The following NEO1 variants were observed in gnomAD, a reference collection of about 807,000 sequenced individuals.
NEO1 encodes neogenin.
In NEO1, 63 loss-of-function variants were observed where a neutral mutation model predicts 159.7. The observed-to-expected ratio is 0.39, with a 90% CI of 0.32 to 0.49. The LOEUF (loss-of-function observed/expected upper bound fraction) is 0.49, where lower values mean the gene tolerates loss of function less well. Ranked by LOEUF, NEO1 falls within the 20% of genes least tolerant of loss-of-function variation. NEO1 has a pLI of 0.85. For missense variants in NEO1, 1,615 were observed against 1,831.0 expected (o/e 0.88, Z 2.15); for synonymous variants, 633 against 662.0 (o/e 0.96, Z 0.67).
chr15:73,170,861 A>G (rs1425344990), intron 5 of NEO1, among the ~76,000 whole-genome samples: 1 of 152,188 alleles, frequency 6.6e-6, no homozygotes, highest in African/African-American at 2.4e-5. Flanking sequence ...AGAATGAGTG[A>G]TAGAATAAGA....
intron 5 of NEO1, among the ~76,000 whole-genome samples, chr15:73,163,420 T>G (rs1207922729): frequency 1.3e-5 from 2 of 152,206 alleles, no homozygotes; most frequent in Non-Finnish European, 2.9e-5. Context: ...GTTATTAGTT[T>G]AGTGTGTATG....
intron 5 of NEO1, among the ~76,000 whole-genome samples, chr15:73,175,346 G>A (rs1335701191): frequency 6.6e-6 from 1 of 152,144 alleles, no homozygotes; most frequent in Non-Finnish European, 1.5e-5. Flanking sequence ...AGCATCAAAA[G>A]TATTTGAAAT....
At position 73,176,132 on chromosome 15, in the gene NEO1, A is replaced by G. The variant is rs532213979; in HGVS notation, c.1016-271A>G. On this transcript the variant is annotated intron_variant, in intron 5 of 28. Transcript: ENST00000261908. ...TTTAGACATTTTTAATTTCTCCAATATAGTCAACTTAGTAAATAGTTCCAA... is the reference window on the plus strand; with the variant it reads ...TTTAGACATTTTTAATTTCTCCAATGTAGTCAACTTAGTAAATAGTTCCAA... Among the ~76,000 whole-genome samples the G allele has an allele frequency of 2.6e-5, 4 of 152,342 alleles. No homozygotes were observed. In the South Asian group the frequency reaches 6.2e-4, roughly 24 times the overall value.
chr15:73,061,029 G>T (rs11856233), intron 1 of NEO1, among the ~76,000 whole-genome samples: 13,199 of 152,198 alleles, frequency 0.087, 663 homozygotes, highest in Non-Finnish European at 0.1. Context: ...GAAGACTAGG[G>T]AATAAGAGAA....
intron 7 of NEO1, among the ~76,000 whole-genome samples, chr15:73,206,917 G>C (rs1199165137): frequency 6.6e-6 from 1 of 151,940 alleles, no homozygotes; most frequent in Non-Finnish European, 1.5e-5. Flanking sequence ...GTGGTGAAGT[G>C]ATCATAGCTC....
At chr15:73,071,097 G>A (rs1382349103) in intron 1 of NEO1, among the ~76,000 whole-genome samples, 2 of 152,092 alleles carry the variant, frequency 1.3e-5, no homozygotes, top group East Asian at 3.9e-4. Flanking sequence ...ACAGGTGGGT[G>A]CTACCACACC....
intron 6 of NEO1, among the ~76,000 whole-genome samples, chr15:73,177,423 AAG>A (rs1258943381): frequency 6.6e-6 from 1 of 152,234 alleles, no homozygotes; most frequent in Admixed American, 6.5e-5. Flanking sequence ...CTGTTGCAAA[AAG>A]TAATTTACAA....
intron 1 of NEO1, among the ~76,000 whole-genome samples, chr15:73,062,261 T>TG (rs769006122): frequency 3.9e-5 from 6 of 152,222 alleles, no homozygotes; most frequent in Non-Finnish European, 8.8e-5. Context: ...AAATTATTAA[T>TG]GGAGTTGAGC....
intron 26 of NEO1, among the ~76,000 whole-genome samples, chr15:73,297,265 T>G (rs909907722): frequency 3.9e-5 from 6 of 152,228 alleles, no homozygotes; most frequent in Non-Finnish European, 5.9e-5. Context: ...GATTCCACCC[T>G]GCTAGTTCTT....
rs1313499551 is a variant in NEO1 at position 73,201,254 on chromosome 15, G to A, written c.1291+22827G>A. On this transcript the variant is annotated intron_variant, in intron 7 of 28. Transcript: ENST00000261908. ...TTCTCTTCTTTCTCTAGTTTCCCAA[G>A]GTATAATCTAAGTTTCACTTATTTT... Among the ~76,000 whole-genome samples the A allele has an allele frequency of 5.3e-5, 8 of 150,770 alleles. No homozygotes were observed. In the East Asian group the frequency reaches 1.6e-3, roughly 30 times the overall value.
intron 7 of NEO1, among the ~76,000 whole-genome samples, chr15:73,194,983 A>C (rs1182983517): frequency 6.6e-6 from 1 of 152,196 alleles, no homozygotes; most frequent in Non-Finnish European, 1.5e-5. Context: ...GTAGACATAT[A>C]ATTAAAGTAT....
Position 73,065,411 on chromosome 15 carries a change from T to C in NEO1, c.130+12606T>C, listed in dbSNP as rs144970835. ...GTTGGAGATGAATTTTCTCAGCTTT[T>C]GTCTGTCTGAAAACATTTGTATTTC... On this transcript the variant is annotated intron_variant, in intron 1 of 28. Transcript: ENST00000261908. Among the ~76,000 whole-genome samples, 48 of 152,294 alleles carry C rather than the reference T, an allele frequency of 3.2e-4. No individual in the cohort carries two copies. In the East Asian group the frequency reaches 8.9e-3, roughly 28 times the overall value.
At chr15:73,156,747 C>T (rs1419673139) in intron 5 of NEO1, among the ~76,000 whole-genome samples, 1 of 152,174 alleles carries the variant, frequency 6.6e-6, no homozygotes, top group East Asian at 1.9e-4. Context: ...GATTGAGTTG[C>T]AGAATTCTCA....
intron 1 of NEO1, among the ~76,000 whole-genome samples, chr15:73,108,005 G>T (rs1449174535): frequency 1.3e-5 from 2 of 152,126 alleles, no homozygotes; most frequent in Non-Finnish European, 2.9e-5. Context: ...AACATAGTGA[G>T]GCCCGGTCTG....
At chr15:73,138,162 C>CA (rs1165115496) in intron 5 of NEO1, among the ~76,000 whole-genome samples, 1 of 151,832 alleles carries the variant, frequency 6.6e-6, no homozygotes, top group Non-Finnish European at 1.5e-5. Context: ...ATATCAAAGA[C>CA]AAAAAAATTC....
At position 73,251,147 on chromosome 15, in the gene NEO1, T is replaced by C. The variant is rs10468057; in HGVS notation, c.1894+1426T>C. The stretch of plus-strand genomic sequence containing the variant: ...TTGCAGAATATTAGTAATTGTGAAT[T>C]TGAAAAGAACAGCCATTCATTGTAC... On this transcript the variant is annotated intron_variant, in intron 11 of 28. Coordinates refer to ENST00000261908, the MANE Select transcript of NEO1 (RefSeq NM_002499.4). Among the ~76,000 whole-genome samples the C allele has an allele frequency of 8.6e-3, 1,302 of 152,262 alleles. 23 individuals are homozygous for C. The highest frequency in any genetic ancestry group is 0.03 in the African/African-American group (1,230 of 41,530).
Position 73,288,477 on chromosome 15 carries a change from G to T in NEO1, c.3575G>T (p.Arg1192Leu). The T allele has an allele frequency of 1.2e-6, 2 of 1,614,014 alleles. No individual in the cohort carries two copies. The highest frequency in any genetic ancestry group is 1.7e-6 in the Non-Finnish European group (2 of 1,179,988). ...ATCATGACTGATACTCCAATTCCTCGCAACTCTCAAGATATCACACCAGTT... is the reference window on the plus strand; with the variant it reads ...ATCATGACTGATACTCCAATTCCTCTCAACTCTCAAGATATCACACCAGTT... ...NPIMTDTPIP[R>L]NSQDITPVDN... Residue 1192 changes from arginine to leucine, a missense_variant, in exon 24 of 29, where the codon CGC (arginine) becomes CTC (leucine). Coordinates refer to ENST00000261908, the MANE Select transcript of NEO1 (RefSeq NM_002499.4).
intron 1 of NEO1, among the ~76,000 whole-genome samples, chr15:73,074,387 G>GTTT: frequency 6.6e-6 from 1 of 152,238 alleles, no homozygotes; most frequent in East Asian, 1.9e-4. Context: ...CTCTCTGACT[G>GTTT]TTTTGTTGTT....
chr15:73,073,302 T>C (rs1460592459), intron 1 of NEO1, among the ~76,000 whole-genome samples: 1 of 152,102 alleles, frequency 6.6e-6, no homozygotes, highest in East Asian at 1.9e-4. Context: ...ACTGTTGACC[T>C]TACTGACAGC....
Sources: gnomAD v4.1 joint callset for allele counts (sites outside exome capture counted in the v4.1 genomes callset) on GRCh38, gnomAD v4.1.1 for gene constraint, MANE v1.5 for transcripts, NCBI Gene and HGNC (gene_info 2026-07-23, HGNC 2026-07-21) for gene names.